Variants in EPB41L4A observed in about 807,000 individuals in gnomAD.
The protein encoded by EPB41L4A is erythrocyte membrane protein band 4.1 like 4A.
In EPB41L4A, 100 loss-of-function variants were observed where a neutral mutation model predicts 108.6. The observed-to-expected ratio is 0.92, with a 90% CI of 0.78 to 1.09. The LOEUF (loss-of-function observed/expected upper bound fraction) is 1.09. Among genes scored for constraint, EPB41L4A ranks in the 50% least tolerant of loss-of-function variants. The probability of loss-of-function intolerance (pLI) is 0.00; values close to 1 mark genes in which losing one functional copy is unlikely to be tolerated. For synonymous variants in EPB41L4A, 319 were observed against 289.0 expected, an observed-to-expected ratio of 1.10 and a Z score of -1.05; for missense variants, 1,030 against 842.7, an observed-to-expected ratio of 1.22 and a Z score of -2.75.
intron 2 of EPB41L4A, among the ~76,000 whole-genome samples, chr5:112,298,828 G>A (rs1040855454): frequency 3.3e-5 from 5 of 152,112 alleles, no homozygotes; most frequent in African/African-American, 1.2e-4. Context: ...CTCACTGCTT[G>A]TTAATGGTCT....
chr5:112,260,114 A>G, intron 7 of EPB41L4A, 135 bp from the exon 8 acceptor site: 1 of 674,362 alleles, frequency 1.5e-6, no homozygotes, highest in Non-Finnish European at 2.5e-6. Flanking sequence ...CTAGAAAGCT[A>G]GATACACTAT....
chr5:112,173,307 C>T (rs995347695), intron 18 of EPB41L4A, among the ~76,000 whole-genome samples: 3 of 151,870 alleles, frequency 2.0e-5, no homozygotes, highest in Non-Finnish European at 4.4e-5. Context: ...AGGGTGGACA[C>T]GGGGAGAATG....
intron 13 of EPB41L4A, among the ~76,000 whole-genome samples, chr5:112,206,644 G>A (rs1228740519): frequency 6.6e-6 from 1 of 152,100 alleles, no homozygotes; most frequent in Non-Finnish European, 1.5e-5. Context: ...GAAGGGAGAA[G>A]GGAGACTGGA....
intron 9 of EPB41L4A, among the ~76,000 whole-genome samples, chr5:112,253,482 G>A (rs1041172301): frequency 3.3e-5 from 5 of 152,116 alleles, no homozygotes; most frequent in Non-Finnish European, 5.9e-5. Context: ...CTATACCATA[G>A]GGGAGAAATG....
At chr5:112,167,123 C>A (rs200363820) in intron 22 of EPB41L4A, among the ~76,000 whole-genome samples, 895 of 109,932 alleles carry the variant, frequency 8.1e-3, no homozygotes, top group East Asian at 8.8e-3. Context: ...AAATTTAAGA[C>A]AAAAAAAAAA....
intron 12 of EPB41L4A, among the ~76,000 whole-genome samples, chr5:112,223,625 T>C (rs115184596): frequency 0.011 from 1,742 of 152,186 alleles, 22 homozygotes; most frequent in Middle Eastern, 0.027. Context: ...AAATCAAGAA[T>C]TGCAACAACA....
At chr5:112,417,468 T>C (rs1047044549) in intron 1 of EPB41L4A, among the ~76,000 whole-genome samples, 2 of 152,254 alleles carry the variant, frequency 1.3e-5, no homozygotes, top group African/African-American at 2.4e-5. Flanking sequence ...AGAATCTATA[T>C]ATTATCTACA....
chr5:112,184,667 A>T (rs563875816), intron 17 of EPB41L4A, among the ~76,000 whole-genome samples: 1 of 152,342 alleles, frequency 6.6e-6, no homozygotes, highest in South Asian at 2.1e-4. Flanking sequence ...CATTAGCTGA[A>T]TAAGACACAC....
At chr5:112,302,619 G>A (rs1238744085) in intron 2 of EPB41L4A, among the ~76,000 whole-genome samples, 1 of 152,142 alleles carries the variant, frequency 6.6e-6, no homozygotes, top group Non-Finnish European at 1.5e-5. Flanking sequence ...GTATAGAAAA[G>A]TTAGGGAGAC....
At chr5:112,168,905 T>C (rs1760408552) in intron 21 of EPB41L4A, 85 bp from the exon 22 acceptor site, 4 of 1,485,544 alleles carry the variant, frequency 2.7e-6, no homozygotes, top group South Asian at 1.1e-5. Context: ...AGTGTAGATA[T>C]AAAACATTTC....
intron 1 of EPB41L4A, among the ~76,000 whole-genome samples, chr5:112,333,842 A>G (rs1756745199): frequency 6.6e-6 from 1 of 152,228 alleles, no homozygotes; most frequent in African/African-American, 2.4e-5. Flanking sequence ...TGTTACCATC[A>G]GTTTCCCCCA....
At chr5:112,208,768 T>C (rs1377873871) in intron 13 of EPB41L4A, among the ~76,000 whole-genome samples, 1 of 152,164 alleles carries the variant, frequency 6.6e-6, no homozygotes, top group Non-Finnish European at 1.5e-5. Context: ...TTGTACTCCT[T>C]CTGCACATTC....
chr5:112,301,715 T>C (rs1359123445), intron 2 of EPB41L4A, among the ~76,000 whole-genome samples: 3 of 152,182 alleles, frequency 2.0e-5, no homozygotes, highest in Non-Finnish European at 4.4e-5. Context: ...CTGCCCCCTG[T>C]CTGTCAATTT....
intron 1 of EPB41L4A, among the ~76,000 whole-genome samples, chr5:112,379,663 A>G (rs770192154): frequency 5.3e-5 from 8 of 152,220 alleles, no homozygotes; most frequent in Non-Finnish European, 1.0e-4. Flanking sequence ...CTGCATAAGA[A>G]GACGACCAAC....
At chr5:112,345,284 T>G (rs1288755947) in intron 1 of EPB41L4A, among the ~76,000 whole-genome samples, 1 of 152,210 alleles carries the variant, frequency 6.6e-6, no homozygotes, top group Admixed American at 6.5e-5. Context: ...GCAATTACAT[T>G]TGTAAGTCTT....
At chr5:112,286,787 C>T (rs1347454894) in intron 2 of EPB41L4A, among the ~76,000 whole-genome samples, 1 of 151,900 alleles carries the variant, frequency 6.6e-6, no homozygotes, top group East Asian at 1.9e-4. Context: ...TTTCTCCCAT[C>T]TTCAAAACAA....
intron 1 of EPB41L4A, among the ~76,000 whole-genome samples, chr5:112,376,246 GATACAGATGGCA>G (rs1264232506): frequency 6.6e-6 from 1 of 152,136 alleles, no homozygotes; most frequent in Non-Finnish European, 1.5e-5. Flanking sequence ...CACCAAAGAG[GATACAGATGGCA>G]ATTAAGCACA....
At chr5:112,405,181 A>G (rs1762008981) in intron 1 of EPB41L4A, among the ~76,000 whole-genome samples, 1 of 152,166 alleles carries the variant, frequency 6.6e-6, no homozygotes. Context: ...GAGGGAGGTC[A>G]GCTGCCATAT....
At chr5:112,341,261 C>G (rs1285392402) in intron 1 of EPB41L4A, among the ~76,000 whole-genome samples, 1 of 152,164 alleles carries the variant, frequency 6.6e-6, no homozygotes, top group Non-Finnish European at 1.5e-5. Flanking sequence ...TGCTTATCAA[C>G]TTCCAAAAAT....
Sources: gnomAD v4.1 joint callset for allele counts (sites outside exome capture counted in the v4.1 genomes callset) on GRCh38, gnomAD v4.1.1 for gene constraint, MANE v1.5 for transcripts, NCBI Gene and HGNC (gene_info 2026-07-23, HGNC 2026-07-21) for gene names.